TSPAN15: variants seen among roughly 807,000 people sequenced by gnomAD.
The protein encoded by TSPAN15 is tetraspanin 15.
Under a neutral mutation model 34.5 loss-of-function variants are expected in TSPAN15, and 20 were observed. The observed-to-expected ratio is 0.58, with a 90% CI of 0.41 to 0.84. The LOEUF (loss-of-function observed/expected upper bound fraction) is 0.84, where lower values mean the gene tolerates loss of function less well. Among genes scored for constraint, TSPAN15 ranks in the 40% least tolerant of loss-of-function variants. TSPAN15 has a pLI of 0.00. For synonymous variants in TSPAN15, 155 were observed against 153.9 expected (o/e 1.01, Z -0.05); for missense variants, 313 against 386.1 (o/e 0.81, Z 1.59).
chr10:69,498,129 G>T, intron 4 of TSPAN15, 151 bp from the exon 5 acceptor site: 1 of 667,414 alleles, frequency 1.5e-6, no homozygotes. Context: ...GCCACACTTT[G>T]ACAGCTCTGA....
At chr10:69,533,849 G>A in the TSPAN15 span, among the ~76,000 whole-genome samples, 1 of 152,190 alleles carries the variant, frequency 6.6e-6, no homozygotes, top group African/African-American at 2.4e-5. Flanking sequence ...CTGTATCAAG[G>A]TAGATAGTGT....
At chr10:69,491,996 C>T (rs964407533) in intron 3 of TSPAN15, among the ~76,000 whole-genome samples, 1 of 152,232 alleles carries the variant, frequency 6.6e-6, no homozygotes, top group Admixed American at 6.5e-5. Flanking sequence ...ATTTAAAAGG[C>T]AAAGCTAGAA....
downstream of TSPAN15, among the ~76,000 whole-genome samples, chr10:69,508,011 A>G (rs1842372364): frequency 6.6e-6 from 1 of 152,112 alleles, no homozygotes; most frequent in African/African-American, 2.4e-5. Flanking sequence ...CTGCCGCGCA[A>G]CGCATGCAGA....
At chr10:69,504,343 G>A (rs1447824832) in intron 5 of TSPAN15, 95 bp from the exon 6 acceptor site, 13 of 1,273,336 alleles carry the variant, frequency 1.0e-5, no homozygotes, top group South Asian at 3.8e-5. Flanking sequence ...GTGCAACTCT[G>A]TGCTTCGGTT....
At chr10:69,489,999 A>G (rs910688837) in intron 3 of TSPAN15, among the ~76,000 whole-genome samples, 2 of 152,176 alleles carry the variant, frequency 1.3e-5, no homozygotes, top group African/African-American at 2.4e-5. Context: ...AGCCAGGTGC[A>G]GCTGAGCTTG....
At chr10:69,544,778 C>T in the TSPAN15 span, among the ~76,000 whole-genome samples, 1 of 152,146 alleles carries the variant, frequency 6.6e-6, no homozygotes, top group African/African-American at 2.4e-5. Context: ...AGTTCCAGGG[C>T]CACAAGCGTG....
chr10:69,461,919 G>A (rs1241368874), intron 1 of TSPAN15, among the ~76,000 whole-genome samples: 13 of 66,740 alleles, frequency 1.9e-4, no homozygotes, highest in South Asian at 5.0e-4. Flanking sequence ...CCACCCCCCC[G>A]CCACCACCCC....
chr10:69,495,068 AC>A, intron 3 of TSPAN15: 1 of 173,492 alleles, frequency 5.8e-6, no homozygotes, highest in African/African-American at 2.4e-5. Context: ...TCCTGGCAAG[AC>A]CCCACCCAGC....
the TSPAN15 span, among the ~76,000 whole-genome samples, chr10:69,517,096 A>C: frequency 6.6e-6 from 1 of 152,110 alleles, no homozygotes; most frequent in Non-Finnish European, 1.5e-5. Flanking sequence ...AAGGCTTTCC[A>C]GGTGTAATGG....
At chr10:69,455,788 C>T (rs924050471) in intron 1 of TSPAN15, among the ~76,000 whole-genome samples, 1 of 151,892 alleles carries the variant, frequency 6.6e-6, no homozygotes. Context: ...GTTATACATG[C>T]AGACACGCAC....
rs140147623 is a variant in TSPAN15, at chr10:69,495,611, C to T, written c.375C>T (p.Asn125=). ...TTGAATAGACCATTGACTTCCTGAA[C>T]GACAACATTCGAAGAGGAATTGAGA... The part of the protein sequence containing the change: ...TFRNQTIDFL[N]DNIRRGIENY... The change falls in exon 4 of 8, where the codon AAC becomes AAT. Residue 125 remains asparagine, a synonymous_variant. Transcript: ENST00000373290. 97 of 1,612,910 alleles carry T rather than the reference C, an allele frequency of 6.0e-5. 1 individual carries two copies. The highest frequency in any genetic ancestry group is 4.9e-4 in the African/African-American group (37 of 75,020).
chr10:69,459,661 T>C (rs2894087), intron 1 of TSPAN15, among the ~76,000 whole-genome samples: 60,537 of 151,844 alleles, frequency 0.4, 12,569 homozygotes, highest in Non-Finnish European at 0.45. Flanking sequence ...GGGGCCTGGC[T>C]GTGTGAAGAG....
At chr10:69,541,960 C>T in the TSPAN15 span, among the ~76,000 whole-genome samples, 9 of 152,332 alleles carry the variant, frequency 5.9e-5, no homozygotes, top group Admixed American at 3.9e-4. Context: ...GATTAACATT[C>T]GGTTCCTCGT....
chr10:69,502,800 G>T (rs1043484242), intron 5 of TSPAN15, among the ~76,000 whole-genome samples: 1 of 152,132 alleles, frequency 6.6e-6, no homozygotes, highest in Non-Finnish European at 1.5e-5. Context: ...TGTGTGCTAA[G>T]AGACTCATCC....
chr10:69,490,454 C>G (rs1841944230), intron 3 of TSPAN15, among the ~76,000 whole-genome samples: 1 of 152,218 alleles, frequency 6.6e-6, no homozygotes, highest in East Asian at 1.9e-4. Flanking sequence ...GGTGCGGTGG[C>G]TCATGCTTGT....
At chr10:69,518,729 C>G in the TSPAN15 span, among the ~76,000 whole-genome samples, 1 of 152,164 alleles carries the variant, frequency 6.6e-6, no homozygotes, top group African/African-American at 2.4e-5. Context: ...GCCATAAACT[C>G]TTGATTTTAA....
chr10:69,525,978 T>C, the TSPAN15 span, among the ~76,000 whole-genome samples: 1 of 146,654 alleles, frequency 6.8e-6, no homozygotes, highest in South Asian at 2.2e-4. Context: ...AAGATAAATA[T>C]TGAAATAAAT....
the TSPAN15 span, among the ~76,000 whole-genome samples, chr10:69,516,867 A>C: frequency 0.032 from 4,815 of 152,158 alleles, 114 homozygotes; most frequent in Non-Finnish European, 0.047. Context: ...GGTGCCTGGG[A>C]CATAAGGGGT....
At chr10:69,496,269 T>C (rs1333551892) in intron 4 of TSPAN15, among the ~76,000 whole-genome samples, 4 of 151,162 alleles carry the variant, frequency 2.6e-5, no homozygotes, top group Admixed American at 6.6e-5. Flanking sequence ...ATGATCCTAT[T>C]CCTTTTGGGA....
Sources: gnomAD v4.1 joint callset for allele counts (sites outside exome capture counted in the v4.1 genomes callset) on GRCh38, gnomAD v4.1.1 for gene constraint, MANE v1.5 for transcripts, NCBI Gene and HGNC (gene_info 2026-07-23, HGNC 2026-07-21) for gene names.